HSD17B4: variants seen among roughly 807,000 people sequenced by gnomAD.
HSD17B4 encodes peroxisomal multifunctional enzyme type 2.
HSD17B4 carries 70 observed loss-of-function variants against 101.0 expected under a neutral mutation model. That is an observed-to-expected ratio of 0.69 (90% CI 0.57 to 0.85). HSD17B4 has a LOEUF of 0.85. Ranked by LOEUF, HSD17B4 falls within the 40% of genes least tolerant of loss-of-function variation. The probability of loss-of-function intolerance (pLI) is 0.00; values close to 1 mark genes in which losing one functional copy is unlikely to be tolerated. For missense variants in HSD17B4, 984 were observed against 892.4 expected (o/e 1.10, Z -1.31); for synonymous variants, 347 against 297.1 (o/e 1.17, Z -1.73).
chr5:119,531,483 T>C (rs999159865), intron 22 of HSD17B4, 79 bp downstream of exon 22: 1 of 1,388,952 alleles, frequency 7.2e-7, no homozygotes, highest in Admixed American at 1.7e-5. Flanking sequence ...TTAAAGACCT[T>C]TGAAGGTAGG....
intron 1 of HSD17B4, 72 bp from the exon 2 acceptor site, chr5:119,456,243 G>T (rs868749939): frequency 4.5e-6 from 4 of 896,682 alleles, no homozygotes; most frequent in Middle Eastern, 4.3e-4. Context: ...TTTAAATGGG[G>T]ATTGAGTTGA....
At chr5:119,475,586 C>A (rs1748503867) in intron 4 of HSD17B4, 120 bp from the exon 5 acceptor site, 1 of 771,618 alleles carries the variant, frequency 1.3e-6, no homozygotes, top group Admixed American at 2.2e-5. Context: ...GCACTCTTTA[C>A]CTATTATATT....
chr5:119,484,562 GTTTTTATA>G (rs1749442549), intron 8 of HSD17B4, among the ~76,000 whole-genome samples: 2 of 151,774 alleles, frequency 1.3e-5, no homozygotes, highest in African/African-American at 4.8e-5. Context: ...GGTACTCTTG[GTTTTTATA>G]TATTTCTGAA....
intron 12 of HSD17B4, among the ~76,000 whole-genome samples, chr5:119,498,340 C>T (rs1750836904): frequency 6.6e-6 from 1 of 152,190 alleles, no homozygotes; most frequent in African/African-American, 2.4e-5. Flanking sequence ...CATAGTGCTT[C>T]TATTCTAGTA....
At chr5:119,454,472 A>G (rs1309369190) in intron 1 of HSD17B4, among the ~76,000 whole-genome samples, 1 of 152,028 alleles carries the variant, frequency 6.6e-6, no homozygotes, top group Non-Finnish European at 1.5e-5. Context: ...CGCCCAGCTA[A>G]TTTTTAAATG....
At chr5:119,485,791 T>C (rs944264298) in intron 8 of HSD17B4, among the ~76,000 whole-genome samples, 5 of 152,170 alleles carry the variant, frequency 3.3e-5, no homozygotes, top group African/African-American at 4.8e-5. Flanking sequence ...CTATAATGAG[T>C]ATCCAGGAAC....
chr5:119,509,681 G>T (rs999038869), intron 16 of HSD17B4, among the ~76,000 whole-genome samples: 2 of 152,070 alleles, frequency 1.3e-5, no homozygotes, highest in African/African-American at 2.4e-5. Flanking sequence ...CCCAGGCTTG[G>T]TCGACTGCTG....
At chr5:119,502,613 G>C (rs1306688475) in intron 14 of HSD17B4, among the ~76,000 whole-genome samples, 1 of 151,084 alleles carries the variant, frequency 6.6e-6, no homozygotes, top group Admixed American at 6.6e-5. Flanking sequence ...ACTATAATTG[G>C]ATATATTTAT....
At chr5:119,491,559 A>G (rs574949511) in intron 9 of HSD17B4, among the ~76,000 whole-genome samples, 16 of 150,230 alleles carry the variant, frequency 1.1e-4, no homozygotes, top group African/African-American at 3.9e-4. Flanking sequence ...TTATTTGGTC[A>G]TTTGTCTTAT....
rs993344210 is a variant in HSD17B4, at chr5:119,525,368, G to A, written c.1573+83G>A. On this transcript the variant is annotated intron_variant, in intron 18 of 23. Transcript: ENST00000510025. Reference sequence around the variant, plus strand: ...ATAATGTAAAGACACTACTACTTATGACTGGTAGTTTGAGTAGCATTTAAA... The same window carrying A: ...ATAATGTAAAGACACTACTACTTATAACTGGTAGTTTGAGTAGCATTTAAA... The A allele has an allele frequency of 3.3e-5, 28 of 850,706 alleles. No individual in the cohort carries two copies. The South Asian group carries it at 3.5e-4, about 11-fold the overall frequency. The allele number at this position is 850,706 out of a possible 1,614,324, so 52.7% of individuals were successfully genotyped here. A position where few individuals can be genotyped will look rare whatever the true frequency, so the allele number is the denominator to read the frequency against.
chr5:119,471,458 A>G (rs985627070), intron 2 of HSD17B4, among the ~76,000 whole-genome samples: 4 of 152,106 alleles, frequency 2.6e-5, no homozygotes, highest in African/African-American at 2.4e-5. Context: ...TTTTCTCCAT[A>G]TTATCCCATT....
Position 119,516,937 on chromosome 5 carries a change from G to A in HSD17B4, c.1503+1891G>A, listed in dbSNP as rs187806693. 1.7e-3 allele frequency among the ~76,000 whole-genome samples: 263 copies of A among 152,362 alleles called. 6 individuals carry two copies. In the South Asian group the frequency reaches 0.047, roughly 27 times the overall value. ...ACATGTAGAAGTGAGAGGTGACAGC[G>A]TGCTGGCAGTCCTCACAGCCCTCGC... On this transcript the variant is annotated intron_variant, in intron 17 of 23. Transcript: ENST00000510025.
At chr5:119,469,606 G>A (rs1171003288) in intron 2 of HSD17B4, among the ~76,000 whole-genome samples, 1 of 152,052 alleles carries the variant, frequency 6.6e-6, no homozygotes, top group Non-Finnish European at 1.5e-5. Context: ...CCACCTGCCT[G>A]GGCCTCCCAA....
Position 119,525,912 on chromosome 5 carries a change from C to G in HSD17B4, c.1574-5C>G. The G allele has an allele frequency of 6.4e-7, 1 of 1,555,436 alleles. No individual in the cohort carries two copies. Among genetic ancestry groups the G allele is most frequent in the South Asian group, 1.1e-5 (1 of 89,988 alleles). On this transcript the variant is annotated splice_region_variant and splice_polypyrimidine_tract_variant and intron_variant, in intron 18 of 23. Coordinates refer to ENST00000510025, the MANE Select transcript of HSD17B4 (RefSeq NM_000414.4). ...TATCTAACTCAGTGTTCTCTCTTTT[C>G]CTAGGTTTTGACAAGCCCATATTAC... is the stretch of plus-strand genomic sequence containing the variant.
At position 119,459,389 on chromosome 5, in the gene HSD17B4, G is replaced by C. The variant is rs140091288; in HGVS notation, c.112+3021G>C. 1.8e-4 allele frequency among the ~76,000 whole-genome samples: 28 copies of C among 152,282 alleles called. No homozygotes were observed. In the East Asian group the frequency reaches 4.4e-3, roughly 24 times the overall value. On this transcript the variant is annotated intron_variant, in intron 2 of 23. Transcript: ENST00000510025. ...CTGCTTACCATATATGACTCACTCT[G>C]CTCAAGAACTGGATATATCAAAGTG...
At chr5:119,471,055 C>G (rs1005586685) in intron 2 of HSD17B4, among the ~76,000 whole-genome samples, 2 of 152,172 alleles carry the variant, frequency 1.3e-5, no homozygotes, top group Non-Finnish European at 2.9e-5. Context: ...TGTTTCATTG[C>G]ACAATCAAAC....
At chr5:119,541,858 T>C (rs1290877095) in intron 23 of HSD17B4, 47 bp from the exon 24 acceptor site, 2 of 1,076,302 alleles carry the variant, frequency 1.9e-6, no homozygotes, top group Non-Finnish European at 2.9e-6. Context: ...AGAAATAAAC[T>C]ATAACATGGT....
chr5:119,517,533 G>A (rs1752739417), intron 17 of HSD17B4, among the ~76,000 whole-genome samples: 1 of 152,268 alleles, frequency 6.6e-6, no homozygotes, highest in Non-Finnish European at 1.5e-5. Context: ...CTGCAGCCCT[G>A]GTGTGGGATC....
intron 2 of HSD17B4, among the ~76,000 whole-genome samples, chr5:119,460,223 G>A (rs1256725839): frequency 1.3e-5 from 2 of 152,162 alleles, no homozygotes; most frequent in Admixed American, 6.5e-5. Flanking sequence ...ATTTCAATGT[G>A]AGTTTTGGAG....
Sources: gnomAD v4.1 joint callset for allele counts (sites outside exome capture counted in the v4.1 genomes callset) on GRCh38, gnomAD v4.1.1 for gene constraint, MANE v1.5 for transcripts, NCBI Gene and HGNC (gene_info 2026-07-23, HGNC 2026-07-21) for gene names.